The following SLC35E2B variants were observed in gnomAD, a reference collection of about 807,000 sequenced individuals.
The protein encoded by SLC35E2B is solute carrier family 35 member E2B.
SLC35E2B carries 18 observed loss-of-function variants against 32.4 expected under a neutral mutation model. That is an observed-to-expected ratio of 0.56 (90% confidence interval 0.38 to 0.82). The LOEUF (loss-of-function observed/expected upper bound fraction) is 0.82. SLC35E2B is among the 40% of genes least tolerant of loss of function. The pLI, the probability that SLC35E2B is intolerant of heterozygous loss-of-function variation, is 0.00. For missense variants in SLC35E2B, 263 were observed against 469.5 expected (o/e 0.56, Z 4.06); for synonymous variants, 132 against 209.1 (o/e 0.63, Z 3.18).
At chr1:1,685,350 C>T (rs1318423343) in intron 2 of SLC35E2B, among the ~76,000 whole-genome samples, 1 of 146,240 alleles carries the variant, frequency 6.8e-6, no homozygotes, top group East Asian at 2.0e-4. Flanking sequence ...GGAGGATGAG[C>T]CTGCAGTGAC....
chr1:1,686,925 G>C (rs1216722511), intron 2 of SLC35E2B, among the ~76,000 whole-genome samples: 1 of 151,382 alleles, frequency 6.6e-6, no homozygotes, highest in South Asian at 2.1e-4. Flanking sequence ...GCGTGGTGAC[G>C]GGCACCTGTA....
At position 1,673,116 on chromosome 1, in the gene SLC35E2B, TC is replaced by T. The variant is rs1643744099; in HGVS notation, c.587-1488del. On this transcript the variant is annotated intron_variant, in intron 5 of 9. Transcript: ENST00000617444. ...CGGACACGGCGGCTGATGGCTGTAA[TC>T]CCAGCACTTTAGGAGGCCGAGGCAG... 1.1e-5 allele frequency: 2 copies of T among 178,304 alleles called. 1 individual carries two copies. The highest frequency in any genetic ancestry group is 1.9e-4 in the South Asian group (2 of 10,498). 11.0% of individuals were successfully genotyped at this position (178,304 alleles called of 1,614,324 possible).
intron 9 of SLC35E2B, 126 bp from the exon 10 acceptor site, chr1:1,666,145 A>G: frequency 8.6e-7 from 1 of 1,157,486 alleles, no homozygotes. Flanking sequence ...TCACGGTGAC[A>G]TCAGCCCTGC....
chr1:1,663,369 G>A lies in SLC35E2B; in HGVS notation c.*2413C>T, dbSNP rs1207361484. ...CCAGACCACAATCTTCAAAGAGGCC[G>A]GCAGCCACATTCTCGACGGGGAGGT... On this transcript the variant is annotated 3_prime_UTR_variant, in exon 10 of 10. Transcript: ENST00000617444. The A allele has an allele frequency of 9.5e-5, 91 of 962,200 alleles. 7 individuals are homozygous for A. Among genetic ancestry groups the A allele is most frequent in the Non-Finnish European group, 1.1e-4 (85 of 809,474 alleles). The allele number at this position is 962,200 out of a possible 1,614,324, so 59.6% of individuals were successfully genotyped here.
intron 2 of SLC35E2B, among the ~76,000 whole-genome samples, chr1:1,677,855 C>A (rs552470802): frequency 1.3e-5 from 2 of 151,646 alleles, no homozygotes; most frequent in South Asian, 2.1e-4. Context: ...TCCCTTCCCA[C>A]GAGCTCCAGG....
At chr1:1,668,721 C>T (rs72634824) in intron 8 of SLC35E2B, among the ~76,000 whole-genome samples, 43,727 of 151,916 alleles carry the variant, frequency 0.29, 6,863 homozygotes, top group African/African-American at 0.41. Context: ...GGACAACAAG[C>T]ACATGAAAGA....
chr1:1,670,285 TTAC>T lies in SLC35E2B; in HGVS notation c.708-137_708-135del, dbSNP rs201555658. 3.1e-3 allele frequency: 2,001 copies of T among 652,986 alleles called. 51 individuals carry two copies. In the East Asian group the frequency reaches 0.048, roughly 16 times the overall value. The allele number at this position is 652,986 out of a possible 1,614,324, so 40.4% of individuals were successfully genotyped here. A position where few individuals can be genotyped will look rare whatever the true frequency, so the allele number is the denominator to read the frequency against. ...CAGTGGTGCCCGCCACCACGCCTGG[TTAC>T]TTTTTTTATTTTTAGTAGAGATAGG... On this transcript the variant is annotated intron_variant, in intron 6 of 9. Transcript: ENST00000617444.
intron 5 of SLC35E2B, chr1:1,673,978 A>C (rs1477828249): frequency 6.4e-6 from 1 of 156,252 alleles, no homozygotes; most frequent in Non-Finnish European, 1.5e-5. Context: ...GAAAAAAAAA[A>C]AAAAGAAAAA....
chr1:1,681,229 G>C (rs778786927), intron 2 of SLC35E2B, among the ~76,000 whole-genome samples: 1 of 151,670 alleles, frequency 6.6e-6, no homozygotes, highest in Non-Finnish European at 1.5e-5. Flanking sequence ...ATAGAGTCTC[G>C]CTCTGTCAGC....
chr1:1,672,792 C>A (rs1488562474), intron 5 of SLC35E2B: 5 of 152,542 alleles, frequency 3.3e-5, no homozygotes, highest in Non-Finnish European at 5.9e-5. Flanking sequence ...TGCCTTAAGA[C>A]AGACAGAGTC....
At chr1:1,667,412 C>CAAA (rs1031120403) in intron 9 of SLC35E2B, among the ~76,000 whole-genome samples, 1 of 68,934 alleles carries the variant, frequency 1.5e-5, no homozygotes, top group Admixed American at 1.9e-4. Flanking sequence ...GACTCTGTCT[C>CAAA]AAAAAAATAA....
intron 9 of SLC35E2B, among the ~76,000 whole-genome samples, chr1:1,667,178 G>A (rs1330240689): frequency 1.4e-5 from 2 of 139,280 alleles, no homozygotes; most frequent in South Asian, 2.3e-4. Flanking sequence ...AGGCTGAGGC[G>A]GGCAGATCAC....
At position 1,679,602 on chromosome 1, in the gene SLC35E2B, G is replaced by A. The variant is rs527261479; in HGVS notation, c.-147-2756C>T. 5.3e-5 allele frequency among the ~76,000 whole-genome samples: 8 copies of A among 151,832 alleles called. 1 individual carries two copies. Among genetic ancestry groups the A allele is most frequent in the East Asian group, 1.9e-4 (1 of 5,172 alleles). On this transcript the variant is annotated intron_variant, in intron 2 of 9. Transcript: ENST00000617444. ...AGCACTTTGGGAGGCCAAGGTGGGC[G>A]GATCACCTGAGCTCAGGAGTTCATG...
In SLC35E2B at chr1:1,683,063, C is replaced by A. The variant is rs1010629472; in HGVS notation, c.-147-6217G>T. 2.0e-5 allele frequency among the ~76,000 whole-genome samples: 3 copies of A among 151,880 alleles called. No individual in the cohort carries two copies. The East Asian group carries it at 5.8e-4, about 29-fold the overall frequency. Reference sequence around the variant, plus strand: ...TTGCACTCCAGCCTGGGGGACAGAGCGAGACTCTGTCTCCAAAAACAAACA... The same window carrying A: ...TTGCACTCCAGCCTGGGGGACAGAGAGAGACTCTGTCTCCAAAAACAAACA... On this transcript the variant is annotated intron_variant, in intron 2 of 9. Transcript: ENST00000617444.
Position 1,663,709 on chromosome 1 carries a change from T to C in SLC35E2B, c.*2073A>G, listed in dbSNP as rs1570301570. On this transcript the variant is annotated 3_prime_UTR_variant, in exon 10 of 10. Coordinates refer to ENST00000617444, the MANE Select transcript of SLC35E2B (RefSeq NM_001290264.2). The stretch of plus-strand genomic sequence containing the variant: ...TGGTCTCGAACTCCTGGCCTTGTGA[T>C]CCGCCAGCTGCTGCCTCCCAAAGTG... 2.4e-6 allele frequency: 1 copy of C among 423,444 alleles called. No individual in the cohort carries two copies. The highest frequency in any genetic ancestry group is 2.0e-5 in the African/African-American group (1 of 49,178). The allele number at this position is 423,444 out of a possible 1,614,324, so 26.2% of individuals were successfully genotyped here. A position where few individuals can be genotyped will look rare whatever the true frequency, so the allele number is the denominator to read the frequency against.
At chr1:1,678,449 C>T (rs1055148773) in intron 2 of SLC35E2B, among the ~76,000 whole-genome samples, 1 of 152,030 alleles carries the variant, frequency 6.6e-6, no homozygotes, top group Non-Finnish European at 1.5e-5. Flanking sequence ...CTTCCTCTCT[C>T]TCCTCCCCTC....
rs144624211 is a variant in SLC35E2B, at chr1:1,687,114, G to A, written c.-148+3862C>T. On this transcript the variant is annotated intron_variant, in intron 2 of 9. Transcript: ENST00000617444. ...AGAAGATGGATGGAATGACCCCCGC[G>A]GTGTCGGCCTGTGAGGGTGCTGTCG... Among the ~76,000 whole-genome samples, 11 of 152,246 alleles carry A rather than the reference G, an allele frequency of 7.2e-5. No homozygotes were observed. In the East Asian group the frequency reaches 1.7e-3, roughly 24 times the overall value.
chr1:1,679,809 G>A (rs1447609489), intron 2 of SLC35E2B, among the ~76,000 whole-genome samples: 2 of 136,684 alleles, frequency 1.5e-5, no homozygotes, highest in Non-Finnish European at 3.1e-5. Context: ...CCCAGCCTGA[G>A]CAACAGAGCG....
At chr1:1,690,600 G>A (rs1319265594) in intron 2 of SLC35E2B, among the ~76,000 whole-genome samples, 4 of 123,712 alleles carry the variant, frequency 3.2e-5, no homozygotes, top group Non-Finnish European at 6.7e-5. Context: ...TTAGCCAGGC[G>A]TGGTGGCAGG....
Sources: gnomAD v4.1 joint callset for allele counts (sites outside exome capture counted in the v4.1 genomes callset) on GRCh38, gnomAD v4.1.1 for gene constraint, MANE v1.5 for transcripts, NCBI Gene and HGNC (gene_info 2026-07-23, HGNC 2026-07-21) for gene names.